CECR2: variants seen among roughly 807,000 people sequenced by gnomAD.
The protein encoded by CECR2 is CECR2 histone acetyl-lysine reader.
A neutral mutation model predicts 154.5 loss-of-function variants in CECR2; 30 were observed. That is an observed-to-expected ratio of 0.19 (90% CI 0.15 to 0.26). The LOEUF is 0.26. CECR2 is among the 10% of genes least tolerant of loss of function. The pLI, the probability that CECR2 is intolerant of heterozygous loss-of-function variation, is 1.00. For synonymous variants in CECR2, 725 were observed against 683.7 expected (o/e 1.06, Z -0.94); for missense variants, 1,743 against 1,829.3 (o/e 0.95, Z 0.86).
At chr22:17,373,662 T>A (rs1159219135) in intron 1 of CECR2, among the ~76,000 whole-genome samples, 1 of 152,090 alleles carries the variant, frequency 6.6e-6, no homozygotes, top group Non-Finnish European at 1.5e-5. Flanking sequence ...GTAGTTGATA[T>A]AAACAGATGA....
In CECR2 at chr22:17,505,009, C is replaced by T. The variant is rs775749314; in HGVS notation, c.863C>T (p.Ala288Val). ...DFLPEICNMIAQKGKRPQRTK... is the reference protein window; with the variant it reads ...DFLPEICNMIVQKGKRPQRTK... Reference sequence around the variant, plus strand: ...CTGCCTGAGATCTGCAACATGATCGCCCAGAAGGTGCGCCACACTCTCTGC... The same window carrying T: ...CTGCCTGAGATCTGCAACATGATCGTCCAGAAGGTGCGCCACACTCTCTGC... Residue 288 changes from alanine (A) to valine (V), a missense_variant, in exon 7 of 19, where the codon GCC becomes GTC. Physicochemically the swap from Ala to Val is moderately conservative, Grantham distance 64. Transcript: ENST00000262608. 6.2e-7 allele frequency: 1 copy of T among 1,613,240 alleles called. No homozygotes were observed. Among genetic ancestry groups the T allele is most frequent in the Admixed American group, 1.7e-5 (1 of 59,978 alleles).
chr22:17,498,284 G>A (rs552120371), intron 3 of CECR2, among the ~76,000 whole-genome samples: 14 of 152,174 alleles, frequency 9.2e-5, no homozygotes, highest in Middle Eastern at 3.4e-3. Context: ...CCAGCTACTC[G>A]GGAGGCTGAG....
At position 17,477,258 on chromosome 22, in the gene CECR2, C is replaced by T. The variant is rs570742330; in HGVS notation, c.127-330C>T. On this transcript the variant is annotated intron_variant, in intron 1 of 18. Transcript: ENST00000262608. ...AGTACAGCACATTTGTATTTATACTCGATTATATATAATCAAAGAGTTAAG... is the reference window on the plus strand; with the variant it reads ...AGTACAGCACATTTGTATTTATACTTGATTATATATAATCAAAGAGTTAAG... The T allele has an allele frequency of 1.9e-4, 124 of 641,506 alleles. 1 individual carries two copies. The South Asian group carries it at 2.2e-3, about 11-fold the overall frequency. 39.7% of individuals were successfully genotyped at this position (641,506 alleles called of 1,614,324 possible). A position where few individuals can be genotyped will look rare whatever the true frequency, so the allele number is the denominator to read the frequency against.
chr22:17,447,504 C>T (rs780095600), intron 1 of CECR2, among the ~76,000 whole-genome samples: 50 of 152,136 alleles, frequency 3.3e-4, no homozygotes, highest in Non-Finnish European at 6.6e-4. Flanking sequence ...GTTTACAGTA[C>T]CACTGCACTC....
chr22:17,507,781 A>G (rs1212855302), intron 7 of CECR2, among the ~76,000 whole-genome samples: 1 of 152,224 alleles, frequency 6.6e-6, no homozygotes, highest in Non-Finnish European at 1.5e-5. Context: ...TGATATTTTC[A>G]AAGAAATAGA....
At chr22:17,492,467 TTC>T (rs950845344) in intron 2 of CECR2, among the ~76,000 whole-genome samples, 1 of 152,208 alleles carries the variant, frequency 6.6e-6, no homozygotes, top group African/African-American at 2.4e-5. Flanking sequence ...TAGAAGCATG[TTC>T]TGTCTGGAGC....
intron 1 of CECR2, among the ~76,000 whole-genome samples, chr22:17,468,151 T>A (rs774113196): frequency 6.6e-6 from 1 of 151,540 alleles, no homozygotes; most frequent in Non-Finnish European, 1.5e-5. Context: ...AAGGGATTTG[T>A]GGAAGAAAGG....
intron 1 of CECR2, among the ~76,000 whole-genome samples, chr22:17,446,594 G>A (rs2054667647): frequency 6.9e-6 from 1 of 144,168 alleles, no homozygotes; most frequent in South Asian, 2.3e-4. Context: ...GCGGGCGCCT[G>A]TAGTCCCAGC....
intron 9 of CECR2, among the ~76,000 whole-genome samples, chr22:17,536,423 C>T (rs2056438243): frequency 6.6e-6 from 1 of 152,126 alleles, no homozygotes; most frequent in South Asian, 2.1e-4. Context: ...AATGGAATGC[C>T]AAGTGTGCTT....
In CECR2 at chr22:17,517,998, C is replaced by G. The variant is rs1258012603; in HGVS notation, c.954+6102C>G. On this transcript the variant is annotated intron_variant, in intron 8 of 18. Coordinates refer to ENST00000262608, the MANE Select transcript of CECR2 (RefSeq NM_001290047.2). ...TGTTACTCACTGGCCCAGTTAAGGG[C>G]TTTGACACTGACCACCTCTTCTGGG... Among the ~76,000 whole-genome samples, 7 of 152,222 alleles carry G rather than the reference C, an allele frequency of 4.6e-5. No homozygotes were observed. In the South Asian group the frequency reaches 1.0e-3, roughly 23 times the overall value.
rs542186614 is a variant in CECR2 at position 17,370,805 on chromosome 22, C to T, written c.126+896C>T. On this transcript the variant is annotated intron_variant, in intron 1 of 18. Coordinates refer to ENST00000262608, the MANE Select transcript of CECR2 (RefSeq NM_001290047.2). ...GGCCAGCCCAGCGGCAGCCCCCTTT[C>T]TCCTATTTTTATTTTTATTTTTGGA... Among the ~76,000 whole-genome samples the T allele has an allele frequency of 8.0e-3, 1,213 of 152,298 alleles. 20 individuals are homozygous for T. Among genetic ancestry groups the T allele is most frequent in the Non-Finnish European group, 8.8e-3 (601 of 68,014 alleles).
chr22:17,402,658 A>G (rs1490221556), intron 1 of CECR2, among the ~76,000 whole-genome samples: 1 of 152,136 alleles, frequency 6.6e-6, no homozygotes, highest in East Asian at 1.9e-4. Flanking sequence ...TAAAACTAAG[A>G]CATTCACATT....
chr22:17,552,098 G>A lies in CECR2; in HGVS notation c.4345G>A (p.Glu1449Lys), dbSNP rs753946031. ...PKTPTAATSQEEVPPHKPPTL... is the reference protein window; with the variant it reads ...PKTPTAATSQKEVPPHKPPTL... ...GACCCCCACAGCAGCAACATCACAG[G>A]AGGAGGTGCCGCCTCATAAGCCTCC... is the stretch of plus-strand genomic sequence containing the variant. The change falls in exon 18 of 19, where the codon GAG becomes AAG. Residue 1449 changes from glutamate (E) to lysine (K), a missense_variant. By Grantham distance (56) the Glu-to-Lys change is moderately conservative. Transcript: ENST00000262608. 6.2e-7 allele frequency: 1 copy of A among 1,614,010 alleles called. No homozygotes were observed. Among genetic ancestry groups the A allele is most frequent in the Admixed American group, 1.7e-5 (1 of 60,012 alleles).
chr22:17,423,537 C>T (rs942662288), intron 1 of CECR2, among the ~76,000 whole-genome samples: 3 of 151,972 alleles, frequency 2.0e-5, no homozygotes, highest in Non-Finnish European at 4.4e-5. Flanking sequence ...GAATTAAGTG[C>T]TCTGGCCTGT....
At chr22:17,451,487 G>A (rs985962613) in intron 1 of CECR2, among the ~76,000 whole-genome samples, 1 of 152,058 alleles carries the variant, frequency 6.6e-6, no homozygotes, top group East Asian at 1.9e-4. Context: ...TCATTTTAGT[G>A]CCTCTCTGGG....
intron 7 of CECR2, among the ~76,000 whole-genome samples, chr22:17,506,785 C>A (rs1007222301): frequency 1.3e-5 from 2 of 152,172 alleles, no homozygotes; most frequent in Non-Finnish European, 2.9e-5. Context: ...TCCCAAGTAG[C>A]TGGGACTATA....
At chr22:17,401,579 G>A (rs2053892307) in intron 1 of CECR2, among the ~76,000 whole-genome samples, 2 of 151,838 alleles carry the variant, frequency 1.3e-5, no homozygotes, top group Admixed American at 1.3e-4. Context: ...ACGCTCTTTT[G>A]ATGTTGTTCC....
At chr22:17,521,755 A>G (rs1411641995) in intron 8 of CECR2, among the ~76,000 whole-genome samples, 1 of 152,164 alleles carries the variant, frequency 6.6e-6, no homozygotes, top group African/African-American at 2.4e-5. Context: ...CTTTAGTTTA[A>G]TTAGATCCCA....
At chr22:17,424,236 C>A (rs769773854) in intron 1 of CECR2, among the ~76,000 whole-genome samples, 6 of 152,002 alleles carry the variant, frequency 3.9e-5, no homozygotes, top group Non-Finnish European at 5.9e-5. Flanking sequence ...CCACACCCGG[C>A]CATGGTTACT....
Sources: gnomAD v4.1 joint callset for allele counts (sites outside exome capture counted in the v4.1 genomes callset) on GRCh38, gnomAD v4.1.1 for gene constraint, MANE v1.5 for transcripts, NCBI Gene and HGNC (gene_info 2026-07-23, HGNC 2026-07-21) for gene names.